Variants in RBM19 observed in about 807,000 individuals in gnomAD.
RBM19 encodes probable RNA-binding protein 19.
Under a neutral mutation model 116.8 loss-of-function variants are expected in RBM19, and 94 were observed. The ratio of observed to expected loss-of-function variants is 0.80; its 90% CI spans 0.68 to 0.95. RBM19 has a LOEUF of 0.95. RBM19 is among the 40% of genes least tolerant of loss of function. The pLI, the probability that RBM19 is intolerant of heterozygous loss-of-function variation, is 0.00. For missense variants in RBM19, 1,161 were observed against 1,220.7 expected, an observed-to-expected ratio of 0.95 and a Z score of 0.73; for synonymous variants, 475 against 494.1, an observed-to-expected ratio of 0.96 and a Z score of 0.51.
chr12:113,962,560 G>C (rs887988699), intron 1 of RBM19, 146 bp from the exon 2 acceptor site: 24 of 757,536 alleles, frequency 3.2e-5, no homozygotes, highest in Admixed American at 5.6e-5. Context: ...GTTACAACAG[G>C]TTCCAGCTCT....
At chr12:113,866,366 G>A (rs1039703853) in intron 21 of RBM19, among the ~76,000 whole-genome samples, 1 of 152,142 alleles carries the variant, frequency 6.6e-6, no homozygotes, top group Non-Finnish European at 1.5e-5. Context: ...GTTTCCTTGG[G>A]GTCCTTTCCA....
intron 21 of RBM19, among the ~76,000 whole-genome samples, chr12:113,911,782 C>T (rs537127673): frequency 6.6e-6 from 1 of 152,306 alleles, no homozygotes; most frequent in African/African-American, 2.4e-5. Flanking sequence ...ACATGAGGCA[C>T]TGCAGCGCAC....
intron 15 of RBM19, among the ~76,000 whole-genome samples, chr12:113,939,382 T>C (rs1398164726): frequency 6.6e-6 from 1 of 152,050 alleles, no homozygotes; most frequent in Non-Finnish European, 1.5e-5. Context: ...CAAATTAACA[T>C]GGGTAAAGAA....
chr12:113,830,871 G>T (rs59127535), intron 23 of RBM19, among the ~76,000 whole-genome samples: 9,301 of 152,298 alleles, frequency 0.061, 577 homozygotes, highest in East Asian at 0.34. Flanking sequence ...CTGAAAGGGA[G>T]CAGCTGGTAA....
rs749627398 is a variant in RBM19 at position 113,952,581 on chromosome 12, T to A, written c.931A>T (p.Met311Leu). 5 of 1,613,968 alleles carry A rather than the reference T, an allele frequency of 3.1e-6. No homozygotes were observed. The highest frequency in any genetic ancestry group is 3.4e-6 in the Non-Finnish European group (4 of 1,179,842). ...APFNVTEKNV[M>L]EFLAPLKPVA... is the part of the protein sequence containing the mutation. ...GGTTTCAGGGGTGCCAGGAATTCCA[T>A]AACATTTTTCTGTGAGAAGAAGTTT... Residue 311 changes from methionine to leucine, a missense_variant, in exon 8 of 24, where the codon ATG (methionine) becomes TTG (leucine). By Grantham distance (15) the Met-to-Leu change is conservative. Transcript: ENST00000261741.
chr12:113,931,562 G>A (rs776804116), intron 16 of RBM19, among the ~76,000 whole-genome samples: 4 of 152,120 alleles, frequency 2.6e-5, no homozygotes, highest in Non-Finnish European at 5.9e-5. Context: ...CCCTGCTGCT[G>A]TGCCCTCTGC....
intron 20 of RBM19, among the ~76,000 whole-genome samples, chr12:113,916,736 C>T (rs1249942533): frequency 6.6e-6 from 1 of 152,216 alleles, no homozygotes; most frequent in Non-Finnish European, 1.5e-5. Context: ...CCCCTGCCAG[C>T]AGCCATGTGA....
chr12:113,937,275 G>A, intron 15 of RBM19, 139 bp from the exon 16 acceptor site: 1 of 1,003,816 alleles, frequency 1.0e-6, no homozygotes, highest in Non-Finnish European at 1.4e-6. Flanking sequence ...AAGGAGCCCA[G>A]CCCAGAGCCC....
intron 23 of RBM19, among the ~76,000 whole-genome samples, chr12:113,834,987 T>C (rs982576749): frequency 6.6e-6 from 1 of 152,188 alleles, no homozygotes; most frequent in Non-Finnish European, 1.5e-5. Flanking sequence ...CCTTTCCCTC[T>C]GATTTGATCT....
chr12:113,863,642 G>C (rs917077524), intron 21 of RBM19, among the ~76,000 whole-genome samples: 2 of 152,170 alleles, frequency 1.3e-5, no homozygotes. Context: ...GCTGAGTCAT[G>C]TGGGGGAGTT....
chr12:113,929,977 C>G (rs924407982), intron 16 of RBM19, among the ~76,000 whole-genome samples: 1 of 152,246 alleles, frequency 6.6e-6, no homozygotes. Flanking sequence ...AGGACAGCCC[C>G]TTCTTGGCAC....
intron 13 of RBM19, among the ~76,000 whole-genome samples, chr12:113,943,391 A>G (rs1025464993): frequency 1.3e-5 from 2 of 152,200 alleles, no homozygotes. Flanking sequence ...CAAGCCCCTC[A>G]GAGCCCCTCA....
intron 23 of RBM19, among the ~76,000 whole-genome samples, chr12:113,844,357 C>T (rs1489395203): frequency 6.6e-6 from 1 of 152,244 alleles, no homozygotes; most frequent in South Asian, 2.1e-4. Context: ...GGCAACCTGG[C>T]AGGCAGGGAG....
chr12:113,953,225 A>G (rs1871621774), intron 7 of RBM19, among the ~76,000 whole-genome samples: 1 of 152,252 alleles, frequency 6.6e-6, no homozygotes, highest in Admixed American at 6.5e-5. Flanking sequence ...GCGGTGGCTC[A>G]CGCCTGTAAT....
chr12:113,945,432 T>C (rs1870931069), intron 13 of RBM19, among the ~76,000 whole-genome samples: 1 of 152,168 alleles, frequency 6.6e-6, no homozygotes, highest in Non-Finnish European at 1.5e-5. Context: ...CCTCCACCTC[T>C]TTGCAAGTCT....
intron 21 of RBM19, among the ~76,000 whole-genome samples, chr12:113,859,975 C>T (rs1311801778): frequency 1.3e-5 from 2 of 152,186 alleles, no homozygotes; most frequent in Non-Finnish European, 2.9e-5. Context: ...CACAGCCCTG[C>T]CAGCATGACC....
At chr12:113,928,877 C>T (rs1185956456) in intron 16 of RBM19, among the ~76,000 whole-genome samples, 2 of 152,066 alleles carry the variant, frequency 1.3e-5, no homozygotes, top group African/African-American at 2.4e-5. Context: ...AGACAAATTC[C>T]TCCTCCAAAG....
At chr12:113,963,991 A>G (rs1045675693) in intron 1 of RBM19, among the ~76,000 whole-genome samples, 3 of 152,008 alleles carry the variant, frequency 2.0e-5, no homozygotes, top group Non-Finnish European at 4.4e-5. Flanking sequence ...GAGATAACCA[A>G]CCCTCACTGT....
chr12:113,920,799 A>G (rs1868476283), intron 18 of RBM19, 109 bp from the exon 19 acceptor site: 1 of 959,742 alleles, frequency 1.0e-6, no homozygotes, highest in African/African-American at 1.6e-5. Context: ...TCTTCTTTTC[A>G]TACCCCCTTC....
Sources: gnomAD v4.1 joint callset for allele counts (sites outside exome capture counted in the v4.1 genomes callset) on GRCh38, gnomAD v4.1.1 for gene constraint, MANE v1.5 for transcripts, NCBI Gene and HGNC (gene_info 2026-07-23, HGNC 2026-07-21) for gene names.